Variants in ASCC3 observed in about 807,000 individuals in gnomAD.
ASCC3 encodes activating signal cointegrator 1 complex subunit 3.
ASCC3 carries 158 observed loss-of-function variants against 256.3 expected under a neutral mutation model. That is an observed-to-expected ratio of 0.62 (90% confidence interval 0.54 to 0.70). The LOEUF is 0.70. ASCC3 is among the 30% of genes least tolerant of loss of function. The probability of loss-of-function intolerance (pLI) is 0.00; values close to 1 mark genes in which losing one functional copy is unlikely to be tolerated. For missense variants in ASCC3, 2,259 were observed against 2,626.0 expected, an observed-to-expected ratio of 0.86 and a Z score of 3.05; for synonymous variants, 948 against 883.4, an observed-to-expected ratio of 1.07 and a Z score of -1.30.
chr6:100,634,356 C>T (rs994038191), intron 25 of ASCC3, among the ~76,000 whole-genome samples: 7 of 152,110 alleles, frequency 4.6e-5, no homozygotes, highest in South Asian at 2.1e-4. Flanking sequence ...TCTTTCTATT[C>T]GGCTGTAATT....
chr6:100,650,159 G>C (rs1775589698), intron 20 of ASCC3, among the ~76,000 whole-genome samples: 1 of 150,332 alleles, frequency 6.7e-6, no homozygotes, highest in African/African-American at 2.4e-5. Context: ...ATCTAAAAAA[G>C]TTCCACAATC....
intron 14 of ASCC3, among the ~76,000 whole-genome samples, chr6:100,671,635 G>A (rs1776751921): frequency 6.6e-6 from 1 of 152,096 alleles, no homozygotes; most frequent in Admixed American, 6.6e-5. Flanking sequence ...AACTCAAACG[G>A]AATGGGCAAC....
At chr6:100,513,909 G>T (rs1773896698) in intron 39 of ASCC3, among the ~76,000 whole-genome samples, 1 of 150,208 alleles carries the variant, frequency 6.7e-6, no homozygotes, top group Non-Finnish European at 1.5e-5. Context: ...CAATACATTG[G>T]CTTTTTTTTT....
In ASCC3 at chr6:100,638,821, T is replaced by C. The variant is rs1774972359; in HGVS notation, c.3902A>G (p.Glu1301Gly). The C allele has an allele frequency of 6.2e-7, 1 of 1,613,742 alleles. No homozygotes were observed. Among genetic ancestry groups the C allele is most frequent in the African/African-American group, 1.3e-5 (1 of 74,914 alleles). Residue 1301 changes from glutamate to glycine, a missense_variant and splice_region_variant, in exon 25 of 42, where the codon GAA becomes GGA. Coordinates refer to ENST00000369162, the MANE Select transcript of ASCC3 (RefSeq NM_006828.4). ...TGGTAAAGGCTGAAGATCCAGTAAT[T>C]CTGAAAAGACCCAACAGGATGGCTA... The part of the protein sequence containing the change: ...ILPERHPPHT[E>G]LLDLQPLPIT...
chr6:100,801,965 G>T (rs765590007), intron 5 of ASCC3, among the ~76,000 whole-genome samples: 1 of 148,158 alleles, frequency 6.7e-6, no homozygotes, highest in Non-Finnish European at 1.5e-5. Context: ...TGACATACTA[G>T]ATGCTATGCT....
chr6:100,600,164 TAC>T (rs1310253002), intron 34 of ASCC3, among the ~76,000 whole-genome samples: 6 of 151,056 alleles, frequency 4.0e-5, no homozygotes, highest in Non-Finnish European at 7.4e-5. Flanking sequence ...TAAATATATC[TAC>T]AGTTACATGC....
At chr6:100,861,944 G>C (rs1773245451) in intron 3 of ASCC3, among the ~76,000 whole-genome samples, 1 of 151,966 alleles carries the variant, frequency 6.6e-6, no homozygotes, top group African/African-American at 2.4e-5. Context: ...AATAAACTTA[G>C]TCATGGTATT....
chr6:100,673,634 A>C (rs1259773680), intron 14 of ASCC3, among the ~76,000 whole-genome samples: 1 of 152,202 alleles, frequency 6.6e-6, no homozygotes, highest in East Asian at 1.9e-4. Flanking sequence ...TCACTTATTC[A>C]AAGTGAACCA....
chr6:100,720,549 G>A (rs993942737), intron 11 of ASCC3, among the ~76,000 whole-genome samples: 4 of 151,812 alleles, frequency 2.6e-5, no homozygotes, highest in Admixed American at 1.3e-4. Flanking sequence ...GAGGGTCAAT[G>A]ATATTTAAAA....
intron 36 of ASCC3, among the ~76,000 whole-genome samples, chr6:100,584,281 T>A (rs1057105488): frequency 6.6e-6 from 1 of 151,542 alleles, no homozygotes; most frequent in African/African-American, 2.4e-5. Context: ...CTGTATTGGG[T>A]GCATATATAT....
At chr6:100,587,118 C>T (rs367647120) in intron 36 of ASCC3, among the ~76,000 whole-genome samples, 11 of 152,030 alleles carry the variant, frequency 7.2e-5, no homozygotes, top group African/African-American at 2.7e-4. Flanking sequence ...ATCTTTGAAA[C>T]ACTAATGTTA....
At chr6:100,789,557 A>G (rs1026821888) in intron 8 of ASCC3, among the ~76,000 whole-genome samples, 1 of 151,992 alleles carries the variant, frequency 6.6e-6, no homozygotes, top group African/African-American at 2.4e-5. Context: ...TCCACAACAC[A>G]GTGATTAAGT....
chr6:100,546,053 C>T (rs1003257952), intron 36 of ASCC3, among the ~76,000 whole-genome samples: 2 of 151,968 alleles, frequency 1.3e-5, no homozygotes, highest in African/African-American at 4.8e-5. Flanking sequence ...ATAAGTTTGG[C>T]AAGGGTGTAG....
chr6:100,853,304 T>G (rs1772777340), intron 3 of ASCC3, among the ~76,000 whole-genome samples: 1 of 152,200 alleles, frequency 6.6e-6, no homozygotes, highest in South Asian at 2.1e-4. Flanking sequence ...AGTTGTCACT[T>G]TTTTCTGTAG....
intron 4 of ASCC3, among the ~76,000 whole-genome samples, chr6:100,809,904 T>C (rs1242855638): frequency 6.6e-6 from 1 of 152,094 alleles, no homozygotes; most frequent in Non-Finnish European, 1.5e-5. Flanking sequence ...AGTTAGTTAA[T>C]AAGAATAGTA....
chr6:100,845,720 T>G (rs546693820), intron 4 of ASCC3, among the ~76,000 whole-genome samples: 2 of 152,302 alleles, frequency 1.3e-5, no homozygotes, highest in South Asian at 2.1e-4. Flanking sequence ...TTGTGGTAAA[T>G]GTAATCATAT....
chr6:100,545,630 C>T (rs569003976), intron 36 of ASCC3, among the ~76,000 whole-genome samples: 2 of 152,180 alleles, frequency 1.3e-5, no homozygotes, highest in Admixed American at 6.5e-5. Flanking sequence ...TCACTCTTGT[C>T]GCCCAGGCTG....
intron 10 of ASCC3, among the ~76,000 whole-genome samples, chr6:100,748,392 T>C (rs1780784861): frequency 6.6e-6 from 1 of 152,066 alleles, no homozygotes; most frequent in African/African-American, 2.4e-5. Context: ...CCAACCGTTA[T>C]CCTCAAATTG....
At position 100,608,181 on chromosome 6, in the gene ASCC3, T is replaced by C. The variant is rs1333900639; in HGVS notation, c.4786-1093A>G. Among the ~76,000 whole-genome samples the C allele has an allele frequency of 1.6e-4, 18 of 109,410 alleles. 2 individuals carry two copies. The highest frequency in any genetic ancestry group is 3.5e-4 in the African/African-American group (9 of 25,742). 71.8% of individuals were successfully genotyped at this position (109,410 alleles called of 152,430 possible). A position where few individuals can be genotyped will look rare whatever the true frequency, so the allele number is the denominator to read the frequency against. On this transcript the variant is annotated intron_variant, in intron 30 of 41. Transcript: ENST00000369162. ...ATATTTATATACATATTTATATATG[T>C]GTGTGTATATATATACTTTATATAT...
Sources: allele counts gnomAD v4.1 joint callset (sites outside exome capture counted in the v4.1 genomes callset), GRCh38; gene constraint gnomAD v4.1.1; transcripts MANE v1.5; gene names NCBI Gene and HGNC (gene_info 2026-07-23, HGNC 2026-07-21).